The following PRDM15 variants were observed in gnomAD, a reference collection of about 807,000 sequenced individuals.
PRDM15 encodes the protein PR/SET domain 15.
Under a neutral mutation model 128.6 loss-of-function variants are expected in PRDM15, and 64 were observed. The observed-to-expected ratio is 0.50, with a 90% CI of 0.41 to 0.61. The LOEUF is 0.61. Among genes scored for constraint, PRDM15 ranks in the 20% least tolerant of loss-of-function variants. PRDM15 has a pLI of 0.00. For missense variants in PRDM15, 1,242 were observed against 1,569.1 expected (o/e 0.79, Z 3.52); for synonymous variants, 615 against 621.8 (o/e 0.99, Z 0.16).
Position 41,802,846 on chromosome 21 carries a change from T to C in PRDM15, c.2809A>G (p.Lys937Glu). The C allele has an allele frequency of 6.2e-7, 1 of 1,614,210 alleles. No homozygotes were observed. The highest frequency in any genetic ancestry group is 1.7e-5 in the Admixed American group (1 of 60,022). Residue 937 changes from lysine to glutamate, a missense_variant, in exon 23 of 24, where the codon AAG (lysine) becomes GAG (glutamate). Physicochemically the swap from Lys to Glu is moderately conservative, Grantham distance 56 (BLOSUM62 1). Coordinates refer to ENST00000398548, the MANE Select transcript of PRDM15 (RefSeq NM_001040424.3). The stretch of plus-strand genomic sequence containing the variant: ...CCCGCCTCCTCTTCTGGCTTCTGCT[T>C]TCTCTTGTGACTTCGCTTGGCAGCT... Reference protein sequence around the residue: ...GKAAKRSHKRKQKPEEEAGAP... With the variant: ...GKAAKRSHKREQKPEEEAGAP...
intron 19 of PRDM15, among the ~76,000 whole-genome samples, chr21:41,815,394 C>T (rs945819606): frequency 1.3e-5 from 2 of 152,200 alleles, no homozygotes; most frequent in African/African-American, 2.4e-5. Context: ...CTTGTCTGGT[C>T]GCTATTTCTT....
At chr21:41,806,394 T>C (rs370385173) in intron 21 of PRDM15, among the ~76,000 whole-genome samples, 69 of 24,994 alleles carry the variant, frequency 2.8e-3, no homozygotes, top group African/African-American at 5.7e-3. Context: ...ACCACCACCA[T>C]CACCACCACC....
In PRDM15 at chr21:41,859,158, T is replaced by C. The variant is rs1392491876; in HGVS notation, c.131+434A>G. On this transcript the variant is annotated intron_variant, in intron 3 of 23. Coordinates refer to ENST00000398548, the MANE Select transcript of PRDM15 (RefSeq NM_001040424.3). This position sits in a 1 kb window ranked among gnomAD's most constrained non-coding sequence, Gnocchi z 5.3. Reference sequence around the variant, plus strand: ...TCTGGAAGCTGCTGTGGGTCAGCCCTGTCCCTGTCCTCATAACCCCGCATC... The same window carrying C: ...TCTGGAAGCTGCTGTGGGTCAGCCCCGTCCCTGTCCTCATAACCCCGCATC... The C allele has an allele frequency of 1.2e-6, 2 of 1,613,776 alleles. No homozygotes were observed. The highest frequency in any genetic ancestry group is 1.6e-4 in the Middle Eastern group (1 of 6,082).
chr21:41,810,699 C>A lies in PRDM15; in HGVS notation c.2476+54G>T. ...TCCACCCCAGCAGGCACTCAGACAG[C>A]CCCGGCAGCCTGCCGCGTGCGCCCC... On this transcript the variant is annotated intron_variant, in intron 20 of 23. Coordinates refer to ENST00000398548, the MANE Select transcript of PRDM15 (RefSeq NM_001040424.3). This position sits in a 1 kb window ranked among gnomAD's most constrained non-coding sequence, Gnocchi z 6.4. 1 of 1,417,240 alleles carries A rather than the reference C, an allele frequency of 7.1e-7. No homozygotes were observed. Among genetic ancestry groups the A allele is most frequent in the Non-Finnish European group, 1.0e-6 (1 of 1,003,056 alleles). The allele number at this position is 1,417,240 out of a possible 1,614,324, so 87.8% of individuals were successfully genotyped here. A position where few individuals can be genotyped will look rare whatever the true frequency, so the allele number is the denominator to read the frequency against.
At position 41,859,569 on chromosome 21, in the gene PRDM15, G is replaced by A. The variant is rs376548626; in HGVS notation, c.131+23C>T. ...GCCGCAGCTGGCATATGGAAGGCCCGGGAGCTCACGGCGGTCACTCACCTT... is the reference window on the plus strand; with the variant it reads ...GCCGCAGCTGGCATATGGAAGGCCCAGGAGCTCACGGCGGTCACTCACCTT... On this transcript the variant is annotated intron_variant, in intron 3 of 23. Coordinates refer to ENST00000398548, the MANE Select transcript of PRDM15 (RefSeq NM_001040424.3). The surrounding 1 kb of genome is among the most constrained non-coding windows in gnomAD (Gnocchi z 5.3). 57 of 1,599,960 alleles carry A rather than the reference G, an allele frequency of 3.6e-5. No homozygotes were observed. The highest frequency in any genetic ancestry group is 5.4e-5 in the African/African-American group (4 of 74,562).
In PRDM15 at chr21:41,843,407, C is replaced by T. The variant is rs78126938; in HGVS notation, c.641-3554G>A. ...CTTGTCCTACAATCTCCTTCGACAG[C>T]AACCTGGGCATTCCCTTTGCTCCTT... On this transcript the variant is annotated intron_variant, in intron 6 of 23. Transcript: ENST00000398548. 9.5e-3 allele frequency among the ~76,000 whole-genome samples: 1,452 copies of T among 152,286 alleles called. 44 individuals carry two copies. Among genetic ancestry groups the T allele is most frequent in the East Asian group, 0.095 (489 of 5,174 alleles).
chr21:41,808,149 G>A (rs1304801287), intron 21 of PRDM15, among the ~76,000 whole-genome samples: 1 of 152,206 alleles, frequency 6.6e-6, no homozygotes, highest in African/African-American at 2.4e-5. Flanking sequence ...GAGAGGAACC[G>A]CTCAAACGCC....
At position 41,859,813 on chromosome 21, in the gene PRDM15, T is replaced by G; in HGVS notation, c.38-128A>C. 1.3e-6 allele frequency: 1 copy of G among 748,516 alleles called. No homozygotes were observed. 46.4% of individuals were successfully genotyped at this position (748,516 alleles called of 1,614,324 possible). A position where few individuals can be genotyped will look rare whatever the true frequency, so the allele number is the denominator to read the frequency against. On this transcript the variant is annotated intron_variant, in intron 2 of 23. Coordinates refer to ENST00000398548, the MANE Select transcript of PRDM15 (RefSeq NM_001040424.3). The surrounding 1 kb of genome is among the most constrained non-coding windows in gnomAD (Gnocchi z 5.3). ...TCATGAGACACATGCATGCCGACAC[T>G]GCAAAGACAAGCAAGGGAGGGTGCA...
In PRDM15 at chr21:41,862,147, G is replaced by T; in HGVS notation, c.-9-1775C>A. 1 of 670,582 alleles carries T rather than the reference G, an allele frequency of 1.5e-6. No homozygotes were observed. Among genetic ancestry groups the T allele is most frequent in the Non-Finnish European group, 2.7e-6 (1 of 373,090 alleles). 41.5% of individuals were successfully genotyped at this position (670,582 alleles called of 1,614,324 possible). ...AGGGCGCACGCTTTCATGAGTTGCT[G>T]CTGTGCTACTGGAGGTGTAGGACCT... On this transcript the variant is annotated intron_variant, in intron 1 of 23. Transcript: ENST00000398548. The surrounding 1 kb of genome is among the most constrained non-coding windows in gnomAD (Gnocchi z 4.1).
At chr21:41,841,930 C>T (rs1391724733) in intron 6 of PRDM15, among the ~76,000 whole-genome samples, 1 of 152,154 alleles carries the variant, frequency 6.6e-6, no homozygotes, top group Non-Finnish European at 1.5e-5. Flanking sequence ...CTCAGATGCA[C>T]TGTATCATCA....
chr21:41,864,170 T>C (rs911928771), intron 1 of PRDM15, among the ~76,000 whole-genome samples: 36 of 152,288 alleles, frequency 2.4e-4, no homozygotes, highest in African/African-American at 8.2e-4. Flanking sequence ...CAAAAGCGGA[T>C]TGGATTTTAA....
intron 13 of PRDM15, among the ~76,000 whole-genome samples, chr21:41,825,090 G>A (rs1282105353): frequency 2.0e-5 from 3 of 152,278 alleles, no homozygotes; most frequent in Non-Finnish European, 4.4e-5. Flanking sequence ...CCGCTTGGGA[G>A]CTGCTCAGAA....
At position 41,820,167 on chromosome 21, in the gene PRDM15, G is replaced by A; in HGVS notation, c.2068C>T (p.His690Tyr). The A allele has an allele frequency of 6.2e-7, 1 of 1,613,506 alleles. No homozygotes were observed. The highest frequency in any genetic ancestry group is 8.5e-7 in the Non-Finnish European group (1 of 1,179,794). The part of the protein sequence containing the change: ...LPDPNVQKYI[H>Y]PCEICGRIFN... ...ATCCGCCCGCAGATCTCGCAGGGGTGGATGTACCTGAAACCAGAGACAAGC... is the reference window on the plus strand; with the variant it reads ...ATCCGCCCGCAGATCTCGCAGGGGTAGATGTACCTGAAACCAGAGACAAGC... Residue 690 changes from histidine (H) to tyrosine (Y), a missense_variant, in exon 17 of 24, where the codon CAC becomes TAC. This residue lies in a region of PRDM15 where 602 missense variants were observed against 788.3 expected (regional missense o/e 0.76). Coordinates refer to ENST00000398548, the MANE Select transcript of PRDM15 (RefSeq NM_001040424.3).
At chr21:41,829,519 T>C (rs1321177825) in intron 11 of PRDM15, among the ~76,000 whole-genome samples, 1 of 149,808 alleles carries the variant, frequency 6.7e-6, no homozygotes, top group Non-Finnish European at 1.5e-5. Context: ...ATCACACACA[T>C]ATAATCACAC....
chr21:41,803,113 T>G (rs2061461288), intron 22 of PRDM15, 192 bp from the exon 23 acceptor site: 1 of 599,338 alleles, frequency 1.7e-6, no homozygotes, highest in East Asian at 2.8e-5. Context: ...TTCCTTTAGT[T>G]GCAGATTTAA....
chr21:41,801,958 G>GA (rs1208608709), intron 23 of PRDM15, among the ~76,000 whole-genome samples: 1 of 152,106 alleles, frequency 6.6e-6, no homozygotes, highest in East Asian at 1.9e-4. Context: ...TCACTGGCTA[G>GA]AAAAAAATAG....
In PRDM15 at chr21:41,801,077, A is replaced by C. The variant is rs2061402251; in HGVS notation, c.*163T>G. The C allele has an allele frequency of 3.9e-6, 4 of 1,013,710 alleles. No homozygotes were observed. In the Admixed American group the frequency reaches 1.0e-4, roughly 26 times the overall value. 62.8% of individuals were successfully genotyped at this position (1,013,710 alleles called of 1,614,324 possible). ...GTCCCTTCTAGAGTTAAGCTGACAGACCGTAATGGTTGCTGGCGGGGGATC... is the reference window on the plus strand; with the variant it reads ...GTCCCTTCTAGAGTTAAGCTGACAGCCCGTAATGGTTGCTGGCGGGGGATC... On this transcript the variant is annotated 3_prime_UTR_variant, in exon 24 of 24. Coordinates refer to ENST00000398548, the MANE Select transcript of PRDM15 (RefSeq NM_001040424.3).
At position 41,802,933 on chromosome 21, in the gene PRDM15, T is replaced by C. The variant is rs1568870767; in HGVS notation, c.2734-12A>G. On this transcript the variant is annotated splice_polypyrimidine_tract_variant and intron_variant, in intron 22 of 23. Transcript: ENST00000398548. ...AGAGTCAGCTCAGGCTGCAGAAAAA[T>C]CGGTTTCAGCCGAGAACCAGGTTAG... 4 of 1,612,946 alleles carry C rather than the reference T, an allele frequency of 2.5e-6. No individual in the cohort carries two copies. The highest frequency in any genetic ancestry group is 3.4e-6 in the Non-Finnish European group (4 of 1,179,542).
At chr21:41,869,806 T>C (rs1436651220) in intron 1 of PRDM15, among the ~76,000 whole-genome samples, 1 of 152,244 alleles carries the variant, frequency 6.6e-6, no homozygotes, top group African/African-American at 2.4e-5. Flanking sequence ...AATTAATTTT[T>C]GTATAAGCTG....
Sources: gnomAD v4.1 joint callset for allele counts (sites outside exome capture counted in the v4.1 genomes callset) on GRCh38, gnomAD v4.1.1 for gene constraint, gnomAD v4.1.1 regional missense constraint, Gnocchi (gnomAD v3.1) non-coding constraint, MANE v1.5 for transcripts, NCBI Gene and HGNC (gene_info 2026-07-23, HGNC 2026-07-21) for gene names.